The following BMP5 variants were observed in gnomAD, a reference collection of about 807,000 sequenced individuals.
The protein encoded by BMP5 is bone morphogenetic protein 5.
Under a neutral mutation model 46.6 loss-of-function variants are expected in BMP5, and 23 were observed. The observed-to-expected ratio is 0.49, with a 90% confidence interval of 0.35 to 0.70. The LOEUF is 0.70. Ranked by LOEUF, BMP5 falls within the 30% of genes least tolerant of loss-of-function variation. The pLI, the probability that BMP5 is intolerant of heterozygous loss-of-function variation, is 0.00. For missense variants in BMP5, 545 were observed against 565.6 expected (o/e 0.96, Z 0.37); for synonymous variants, 204 against 191.9 (o/e 1.06, Z -0.52).
chr6:55,824,010 T>A (rs1776471631), intron 1 of BMP5, among the ~76,000 whole-genome samples: 1 of 151,994 alleles, frequency 6.6e-6, no homozygotes, highest in South Asian at 2.1e-4. Context: ...GACATAATTG[T>A]GATTCACCGG....
chr6:55,807,558 C>T (rs933555336), intron 2 of BMP5, among the ~76,000 whole-genome samples: 1 of 152,310 alleles, frequency 6.6e-6, no homozygotes, highest in Non-Finnish European at 1.5e-5. Context: ...GTTTTGGTAT[C>T]AGGATGATGC....
In BMP5 at chr6:55,852,502, T is replaced by C. The variant is rs9382561; in HGVS notation, c.490+21874A>G. Among the ~76,000 whole-genome samples, 639 of 152,256 alleles carry C rather than the reference T, an allele frequency of 4.2e-3. 31 individuals are homozygous for C. The East Asian group carries it at 0.1, about 25-fold the overall frequency. On this transcript the variant is annotated intron_variant, in intron 1 of 6. Transcript: ENST00000370830. ...CAATTAAACTTTTCACACTATTATTTTGGTGTTTTTTTCTACTTCTACTGT... is the reference window on the plus strand; with the variant it reads ...CAATTAAACTTTTCACACTATTATTCTGGTGTTTTTTTCTACTTCTACTGT...
chr6:55,801,583 T>A (rs771287080), intron 2 of BMP5, among the ~76,000 whole-genome samples: 3 of 152,222 alleles, frequency 2.0e-5, no homozygotes, highest in Non-Finnish European at 4.4e-5. Context: ...AGCAACAGAC[T>A]TAAATAGATT....
intron 1 of BMP5, among the ~76,000 whole-genome samples, chr6:55,865,020 A>G (rs1267124554): frequency 6.6e-6 from 1 of 152,174 alleles, no homozygotes; most frequent in East Asian, 1.9e-4. Flanking sequence ...ATAGCTGCAA[A>G]TTATAAATCA....
intron 2 of BMP5, among the ~76,000 whole-genome samples, chr6:55,818,032 C>A (rs1476600304): frequency 6.6e-6 from 1 of 152,090 alleles, no homozygotes; most frequent in Non-Finnish European, 1.5e-5. Context: ...ATGAATGGCA[C>A]CCCCAGACTA....
chr6:55,868,794 A>T (rs1230982938), intron 1 of BMP5, among the ~76,000 whole-genome samples: 2 of 152,168 alleles, frequency 1.3e-5, no homozygotes, highest in East Asian at 3.9e-4. Context: ...AATCTTAAAC[A>T]TCCCAATCTG....
At chr6:55,874,101 T>C (rs1777845468) in intron 1 of BMP5, among the ~76,000 whole-genome samples, 1 of 152,102 alleles carries the variant, frequency 6.6e-6, no homozygotes, top group Non-Finnish European at 1.5e-5. Context: ...TTTTAGACTA[T>C]TGCCTTTGCA....
chr6:55,784,961 T>C (rs228152), intron 3 of BMP5, among the ~76,000 whole-genome samples: 10,213 of 151,812 alleles, frequency 0.067, 513 homozygotes, highest in Non-Finnish European at 0.1. Flanking sequence ...GTGTACAAAA[T>C]GGGTTAAGAA....
chr6:55,807,215 T>C lies in BMP5; in HGVS notation c.683+12440A>G, dbSNP rs372607213. On this transcript the variant is annotated intron_variant, in intron 2 of 6. Coordinates refer to ENST00000370830, the MANE Select transcript of BMP5 (RefSeq NM_021073.4). Reference sequence around the variant, plus strand: ...GAATTGGCTGTGGGTTTGTCATAAATAGCTCTTATTATTTTGAGATTTTTT... The same window carrying C: ...GAATTGGCTGTGGGTTTGTCATAAACAGCTCTTATTATTTTGAGATTTTTT... Among the ~76,000 whole-genome samples, 77 of 152,276 alleles carry C rather than the reference T, an allele frequency of 5.1e-4. No individual in the cohort carries two copies. The South Asian group carries it at 0.016, about 31-fold the overall frequency.
chr6:55,809,116 A>T (rs970235888), intron 2 of BMP5, among the ~76,000 whole-genome samples: 24 of 152,230 alleles, frequency 1.6e-4, no homozygotes, highest in African/African-American at 5.8e-4. Flanking sequence ...TTAAATGAAG[A>T]TTAAAAGAAG....
chr6:55,795,409 T>G (rs979900806), intron 2 of BMP5, among the ~76,000 whole-genome samples: 2 of 152,048 alleles, frequency 1.3e-5, no homozygotes, highest in African/African-American at 4.8e-5. Flanking sequence ...AGCATATTAT[T>G]TATATAGAAA....
At chr6:55,853,467 C>T (rs930240779) in intron 1 of BMP5, among the ~76,000 whole-genome samples, 2 of 151,974 alleles carry the variant, frequency 1.3e-5, no homozygotes, top group African/African-American at 4.8e-5. Context: ...GAGCAAGCCC[C>T]TCTGGGTTCA....
chr6:55,797,614 C>CTTTTTTTTTTTT (rs60366569), intron 2 of BMP5, among the ~76,000 whole-genome samples: 1 of 110,598 alleles, frequency 9.0e-6, no homozygotes, highest in Non-Finnish European at 1.8e-5. Flanking sequence ...ATTTTCTTTT[C>CTTTTTTTTTTTT]TTTTTTTTTT....
chr6:55,792,736 T>C (rs553442074), intron 3 of BMP5, among the ~76,000 whole-genome samples: 5 of 152,170 alleles, frequency 3.3e-5, no homozygotes, highest in African/African-American at 1.2e-4. Flanking sequence ...TTTATAGCAA[T>C]AAATCTCCTT....
chr6:55,816,452 T>G (rs1254950502), intron 2 of BMP5, among the ~76,000 whole-genome samples: 1 of 152,144 alleles, frequency 6.6e-6, no homozygotes, highest in Non-Finnish European at 1.5e-5. Flanking sequence ...ATATTATTAT[T>G]ATGTAACATA....
At chr6:55,807,105 T>C (rs1455024023) in intron 2 of BMP5, among the ~76,000 whole-genome samples, 4 of 152,190 alleles carry the variant, frequency 2.6e-5, no homozygotes, top group Non-Finnish European at 5.9e-5. Context: ...TCCAATACTA[T>C]GTTGAATAGG....
At chr6:55,832,749 C>G (rs1776696061) in intron 1 of BMP5, among the ~76,000 whole-genome samples, 2 of 152,100 alleles carry the variant, frequency 1.3e-5, no homozygotes, top group Admixed American at 1.3e-4. Flanking sequence ...TCTTTTTGCT[C>G]TGTCACAGTG....
intron 3 of BMP5, among the ~76,000 whole-genome samples, chr6:55,781,647 G>A (rs1001762058): frequency 3.5e-5 from 5 of 143,010 alleles, no homozygotes; most frequent in East Asian, 4.1e-4. Flanking sequence ...TCGTTCTGTC[G>A]CCCAGGCTGG....
intron 1 of BMP5, among the ~76,000 whole-genome samples, chr6:55,843,917 T>C (rs961028143): frequency 3.7e-4 from 57 of 152,144 alleles, no homozygotes; most frequent in African/African-American, 1.3e-3. Context: ...CAAAGAGAAA[T>C]TGTCCTTAAA....
Sources: allele counts gnomAD v4.1 joint callset (sites outside exome capture counted in the v4.1 genomes callset), GRCh38; gene constraint gnomAD v4.1.1; transcripts MANE v1.5; gene names NCBI Gene and HGNC (gene_info 2026-07-23, HGNC 2026-07-21).